Variants in ABCA10 observed in about 807,000 individuals in gnomAD.
ABCA10 encodes the protein ATP binding cassette subfamily A member 10, also known as ATP-binding cassette sub-family A member 10.
ABCA10 carries 169 observed loss-of-function variants against 187.5 expected under a neutral mutation model. The observed-to-expected ratio is 0.90, with a 90% confidence interval of 0.80 to 1.02. The LOEUF (loss-of-function observed/expected upper bound fraction) is 1.02. Among genes scored for constraint, ABCA10 ranks in the 50% least tolerant of loss-of-function variants. The pLI is 0.00. For synonymous variants in ABCA10, 574 were observed against 601.8 expected, an observed-to-expected ratio of 0.95 and a Z score of 0.68; for missense variants, 1,727 against 1,812.4, an observed-to-expected ratio of 0.95 and a Z score of 0.86.
intron 36 of ABCA10, 78 bp downstream of exon 36, chr17:69,151,965 T>A (rs1164763599): frequency 1.3e-6 from 2 of 1,534,006 alleles, no homozygotes; most frequent in East Asian, 4.5e-5. Flanking sequence ...CTCTTCCGGT[T>A]TAGACTAGCA....
At chr17:69,160,254 T>C (rs908667689) in intron 27 of ABCA10, among the ~76,000 whole-genome samples, 7 of 152,188 alleles carry the variant, frequency 4.6e-5, no homozygotes, top group Non-Finnish European at 1.0e-4. Context: ...ATATTCAGAA[T>C]ATATTTTTAA....
chr17:69,200,538 G>A (rs762041118), intron 10 of ABCA10, among the ~76,000 whole-genome samples: 49 of 152,292 alleles, frequency 3.2e-4, no homozygotes, highest in Non-Finnish European at 4.9e-4. Flanking sequence ...ATAGAGGAAT[G>A]TTTTACTGAT....
chr17:69,193,432 T>C, intron 14 of ABCA10, 61 bp downstream of exon 14: 21 of 1,557,874 alleles, frequency 1.3e-5, no homozygotes, highest in Non-Finnish European at 1.6e-5. Flanking sequence ...AAGTTGGACT[T>C]TAATAATAGT....
At chr17:69,198,224 G>A (rs1460202169) in intron 10 of ABCA10, among the ~76,000 whole-genome samples, 1 of 152,022 alleles carries the variant, frequency 6.6e-6, no homozygotes, top group East Asian at 1.9e-4. Context: ...TTCTTGCCCA[G>A]GCTCTTGTCA....
chr17:69,208,647 C>T (rs1226324560), intron 9 of ABCA10, among the ~76,000 whole-genome samples: 3 of 151,980 alleles, frequency 2.0e-5, no homozygotes, highest in South Asian at 2.1e-4. Context: ...TAAAGGATAA[C>T]GAATGATGGA....
At position 69,148,845 on chromosome 17, in the gene ABCA10, G is replaced by A. The variant is rs1290100192; in HGVS notation, c.4614C>T (p.Leu1538=). 4 of 1,612,574 alleles carry A rather than the reference G, an allele frequency of 2.5e-6. No homozygotes were observed. Among genetic ancestry groups the A allele is most frequent in the Non-Finnish European group, 3.4e-6 (4 of 1,179,728 alleles). Reference sequence around the variant, plus strand: ...CTTCATTTTAAGGGTCTTCCTGTGGGAGAAGTTTCCATTCAACTGTTGTAT... The same window carrying A: ...CTTCATTTTAAGGGTCTTCCTGTGGAAGAAGTTTCCATTCAACTGTTGTAT... ...KIDTTVEWKL[L]PQEDP is the part of the protein sequence containing the mutation. Residue 1538 remains leucine (L), a synonymous_variant, in exon 39 of 39, where the codon CTC becomes CTT. Transcript: ENST00000690296.
At chr17:69,210,441 G>A (rs969939086) in intron 9 of ABCA10, among the ~76,000 whole-genome samples, 6 of 150,522 alleles carry the variant, frequency 4.0e-5, no homozygotes, top group African/African-American at 7.4e-5. Flanking sequence ...CACTCGCCTC[G>A]GCCTCCCAAA....
chr17:69,204,509 T>C (rs1345421756), intron 9 of ABCA10, among the ~76,000 whole-genome samples: 1 of 152,242 alleles, frequency 6.6e-6, no homozygotes, highest in Non-Finnish European at 1.5e-5. Flanking sequence ...TCCATGCCTT[T>C]TCTAATTTGA....
At chr17:69,243,094 T>C (rs544489274) in intron 1 of ABCA10, among the ~76,000 whole-genome samples, 1 of 152,326 alleles carries the variant, frequency 6.6e-6, no homozygotes, top group Admixed American at 6.5e-5. Context: ...TTAGCATCCA[T>C]CTCTTGGTCT....
rs1386090246 is a variant in ABCA10, at chr17:69,182,205, C to T, written c.2717G>A (p.Gly906Glu). Residue 906 changes from glycine to glutamate, a missense_variant, in exon 22 of 39, where the codon GGA becomes GAA. Gly to Glu is a moderately conservative substitution (Grantham distance 98). Coordinates refer to ENST00000690296, the MANE Select transcript of ABCA10 (RefSeq NM_001377321.1). ...AATAAGCTCCGTGAAGTTAAAAATT[C>T]CCATAAGGGCATTGCTAACAATTCC... is the stretch of plus-strand genomic sequence containing the variant. ...LMGIVSNALM[G>E]IFNFTELIQM... 7 of 1,598,586 alleles carry T rather than the reference C, an allele frequency of 4.4e-6. No homozygotes were observed. The East Asian group carries it at 1.4e-4, about 31-fold the overall frequency.
At chr17:69,228,052 G>T (rs1226973686) in intron 1 of ABCA10, among the ~76,000 whole-genome samples, 1 of 151,890 alleles carries the variant, frequency 6.6e-6, no homozygotes. Context: ...TGTTCAGAGA[G>T]AACTTGCTAT....
chr17:69,197,021 GGGGAGAGGGAGA>G lies in ABCA10; in HGVS notation c.1234+31_1234+42del, dbSNP rs752657441. 834 of 1,396,788 alleles carry G rather than the reference GGGGAGAGGGAGA, an allele frequency of 6.0e-4. 1 individual carries two copies. Among genetic ancestry groups the G allele is most frequent in the African/African-American group, 1.7e-3 (106 of 62,612 alleles). 86.5% of individuals were successfully genotyped at this position (1,396,788 alleles called of 1,614,324 possible). ...AGACCGTGGACAGAGGGAGGGGGAG[GGGGAGAGGGAGA>G]GGGAGAGGGAGAGGGAGTTTTTCTT... On this transcript the variant is annotated intron_variant, in intron 11 of 38. Coordinates refer to ENST00000690296, the MANE Select transcript of ABCA10 (RefSeq NM_001377321.1).
chr17:69,174,503 C>A (rs763571812), intron 24 of ABCA10, 104 bp downstream of exon 24: 1 of 1,447,542 alleles, frequency 6.9e-7, no homozygotes, highest in Admixed American at 2.2e-5. Flanking sequence ...TTCTTATTTT[C>A]TTGCATATTA....
chr17:69,218,672 T>G (rs2074724114), intron 6 of ABCA10, among the ~76,000 whole-genome samples: 1 of 150,072 alleles, frequency 6.7e-6, no homozygotes, highest in East Asian at 1.9e-4. Context: ...TATATATAAA[T>G]GCATAGACTA....
chr17:69,169,208 A>G (rs1290668179), intron 25 of ABCA10, among the ~76,000 whole-genome samples: 2 of 152,222 alleles, frequency 1.3e-5, no homozygotes, highest in Admixed American at 6.5e-5. Flanking sequence ...TATAGCTACT[A>G]AGTGCCAGAC....
rs2074151908 is a variant in ABCA10, at chr17:69,153,969, T to C, written c.3827A>G (p.His1276Arg). Residue 1276 changes from histidine (H) to arginine (R), a missense_variant, in exon 32 of 39, where the codon CAT (histidine) becomes CGT (arginine). His to Arg is a conservative substitution (Grantham distance 29). Transcript: ENST00000690296. ...CCCCAAGAACTTGAGGCTGTTGTCATGCTGTTGCCTTACTGATGCTCTGCT... is the reference window on the plus strand; with the variant it reads ...CCCCAAGAACTTGAGGCTGTTGTCACGCTGTTGCCTTACTGATGCTCTGCT... ...QGSRASVRQQ[H>R]DNSLKFLGYC... 2 of 1,614,098 alleles carry C rather than the reference T, an allele frequency of 1.2e-6. No homozygotes were observed. Among genetic ancestry groups the C allele is most frequent in the Non-Finnish European group, 1.7e-6 (2 of 1,179,968 alleles).
intron 25 of ABCA10, among the ~76,000 whole-genome samples, chr17:69,168,261 T>C (rs776154095): frequency 1.4e-4 from 21 of 152,278 alleles, no homozygotes; most frequent in Non-Finnish European, 2.9e-4. Context: ...AAGTTACACA[T>C]GAATTTTCAA....
Position 69,153,962 on chromosome 17 carries a change from G to A in ABCA10, c.3834C>T (p.Asn1278=), listed in dbSNP as rs1399250467. 2 of 1,613,934 alleles carry A rather than the reference G, an allele frequency of 1.2e-6. No homozygotes were observed. Among genetic ancestry groups the A allele is most frequent in the African/African-American group, 2.7e-5 (2 of 74,922 alleles). Residue 1278 remains asparagine (N), a synonymous_variant, in exon 32 of 39, where the codon AAC becomes AAT. Coordinates refer to ENST00000690296, the MANE Select transcript of ABCA10 (RefSeq NM_001377321.1). ...SRASVRQQHD[N]SLKFLGYCPQ... Reference sequence around the variant, plus strand: ...GGCAGTACCCCAAGAACTTGAGGCTGTTGTCATGCTGTTGCCTTACTGATG... The same window carrying A: ...GGCAGTACCCCAAGAACTTGAGGCTATTGTCATGCTGTTGCCTTACTGATG...
At chr17:69,184,278 C>A (rs2074403691) in intron 20 of ABCA10, among the ~76,000 whole-genome samples, 1 of 152,152 alleles carries the variant, frequency 6.6e-6, no homozygotes. Flanking sequence ...TAAACATAAT[C>A]TCTTGGAAGT....
Sources: allele counts gnomAD v4.1 joint callset (sites outside exome capture counted in the v4.1 genomes callset), GRCh38; gene constraint gnomAD v4.1.1; transcripts MANE v1.5; gene names NCBI Gene and HGNC (gene_info 2026-07-23, HGNC 2026-07-21).